Variants in FAM227A observed in about 807,000 individuals in gnomAD.
FAM227A encodes the protein protein FAM227A.
A neutral mutation model predicts 74.7 loss-of-function variants in FAM227A; 80 were observed. The observed-to-expected ratio is 1.07, with a 90% CI of 0.89 to 1.29. The LOEUF (loss-of-function observed/expected upper bound fraction) is 1.29. Among genes scored for constraint, FAM227A ranks in the 50% most tolerant of loss-of-function variants. The probability of loss-of-function intolerance (pLI) is 0.00; values close to 1 mark genes in which losing one functional copy is unlikely to be tolerated. For missense variants in FAM227A, 654 were observed against 683.4 expected (o/e 0.96, Z 0.48); for synonymous variants, 237 against 241.8 (o/e 0.98, Z 0.19).
chr22:38,587,749 A>C (rs1036783578), intron 16 of FAM227A, among the ~76,000 whole-genome samples: 1 of 152,226 alleles, frequency 6.6e-6, no homozygotes, highest in Non-Finnish European at 1.5e-5. Flanking sequence ...CATTATACTG[A>C]TACCAGAACT....
At position 38,582,440 on chromosome 22, in the gene FAM227A, T is replaced by A. The variant is rs1362782539; in HGVS notation, c.*3685A>T. The A allele has an allele frequency of 1.3e-6, 2 of 1,547,394 alleles. No homozygotes were observed. Among genetic ancestry groups the A allele is most frequent in the Non-Finnish European group, 8.7e-7 (1 of 1,144,656 alleles). ...AATTAGAATATCATACAATTACTCA[T>A]TTGCTTTATCCCACATTACAGCAAA... On this transcript the variant is annotated 3_prime_UTR_variant, in exon 17 of 17. Coordinates refer to ENST00000535113, the MANE Select transcript of FAM227A (RefSeq NM_001013647.2).
At chr22:38,649,522 C>T (rs973234666) in intron 2 of FAM227A, among the ~76,000 whole-genome samples, 4 of 150,026 alleles carry the variant, frequency 2.7e-5, no homozygotes, top group South Asian at 2.1e-4. Flanking sequence ...ACTGAGACTG[C>T]ACCACCGCAC....
chr22:38,634,854 A>G (rs1039833293), intron 6 of FAM227A, among the ~76,000 whole-genome samples: 2 of 152,178 alleles, frequency 1.3e-5, no homozygotes, highest in African/African-American at 4.8e-5. Context: ...CTGGGCAGTG[A>G]CTGGCCCAAA....
chr22:38,599,947 T>G, intron 13 of FAM227A, 26 bp from the exon 14 acceptor site: 5 of 1,521,188 alleles, frequency 3.3e-6, no homozygotes, highest in Non-Finnish European at 3.5e-6. Context: ...AAAGGAAAAA[T>G]AAAGGATATT....
rs149266520 is a variant in FAM227A at position 38,593,622 on chromosome 22, C to T, written c.1533-2082G>A. Among the ~76,000 whole-genome samples, 560 of 152,258 alleles carry T rather than the reference C, an allele frequency of 3.7e-3. 1 individual carries two copies. The highest frequency in any genetic ancestry group is 6.3e-3 in the Non-Finnish European group (427 of 68,004). On this transcript the variant is annotated intron_variant, in intron 15 of 16. Transcript: ENST00000535113. ...CCTATGTCTTCTCCCTTCTCCATCC[C>T]GACCCTCTCCTCCCTCACTTACATG...
intron 11 of FAM227A, among the ~76,000 whole-genome samples, chr22:38,618,777 C>T (rs370395579): frequency 6.0e-4 from 91 of 152,186 alleles, no homozygotes; most frequent in East Asian, 2.9e-3. Flanking sequence ...GATAAATATT[C>T]GGCTTTGCAG....
chr22:38,624,747 G>T (rs1286441447), intron 9 of FAM227A, among the ~76,000 whole-genome samples: 1 of 152,284 alleles, frequency 6.6e-6, no homozygotes, highest in East Asian at 1.9e-4. Flanking sequence ...CATTGTAGGG[G>T]GATGAGTGGG....
chr22:38,650,286 G>T, intron 1 of FAM227A, 24 bp from the exon 2 acceptor site: 1 of 1,021,298 alleles, frequency 9.8e-7, no homozygotes, highest in Non-Finnish European at 1.4e-6. Flanking sequence ...ACAGCATAGA[G>T]CCAGCTCAGA....
At chr22:38,647,377 T>C (rs1350240884) in intron 2 of FAM227A, among the ~76,000 whole-genome samples, 1 of 150,090 alleles carries the variant, frequency 6.7e-6, no homozygotes, top group African/African-American at 2.5e-5. Context: ...GGCAGGAGAA[T>C]CTCTTGAACC....
intron 8 of FAM227A, 93 bp from the exon 9 acceptor site, chr22:38,626,396 T>C (rs1214146663): frequency 5.0e-6 from 7 of 1,407,338 alleles, no homozygotes; most frequent in Non-Finnish European, 5.7e-6. Flanking sequence ...TTTTTATATA[T>C]AGTTTTTGTT....
At position 38,625,890 on chromosome 22, in the gene FAM227A, C is replaced by T. The variant is rs893701342; in HGVS notation, c.850+290G>A. 1.1e-4 allele frequency among the ~76,000 whole-genome samples: 16 copies of T among 150,734 alleles called. 1 individual carries two copies. The highest frequency in any genetic ancestry group is 3.9e-4 in the African/African-American group (16 of 40,794). On this transcript the variant is annotated intron_variant, in intron 9 of 16. Coordinates refer to ENST00000535113, the MANE Select transcript of FAM227A (RefSeq NM_001013647.2). Reference sequence around the variant, plus strand: ...CCTGGGAGGCGGAGGTTGCAGTGAGCCCAGATCGCACCATTGCACTCCAGC... The same window carrying T: ...CCTGGGAGGCGGAGGTTGCAGTGAGTCCAGATCGCACCATTGCACTCCAGC...
chr22:38,641,958 T>TGC (rs67394104), intron 3 of FAM227A, among the ~76,000 whole-genome samples: 1 of 142,348 alleles, frequency 7.0e-6, no homozygotes, highest in African/African-American at 2.7e-5. Context: ...GGTGTGTGTG[T>TGC]GTGTGTGTGT....
intron 16 of FAM227A, among the ~76,000 whole-genome samples, chr22:38,588,701 T>A (rs1206269927): frequency 7.2e-6 from 1 of 139,352 alleles, no homozygotes; most frequent in Non-Finnish European, 1.5e-5. Flanking sequence ...GACGGGTGGA[T>A]CACGAGGTCA....
Position 38,584,460 on chromosome 22 carries a change from G to C in FAM227A, c.*1665C>G, listed in dbSNP as rs2090765094. ...CATCACCTATGATTACTATTATTATGTTATACAATATTAGATACTCCAGGC... is the reference window on the plus strand; with the variant it reads ...CATCACCTATGATTACTATTATTATCTTATACAATATTAGATACTCCAGGC... On this transcript the variant is annotated 3_prime_UTR_variant, in exon 17 of 17. Coordinates refer to ENST00000535113, the MANE Select transcript of FAM227A (RefSeq NM_001013647.2). The C allele has an allele frequency of 6.6e-6, 1 of 152,058 alleles. No individual in the cohort carries two copies. Among genetic ancestry groups the C allele is most frequent in the Non-Finnish European group, 1.5e-5 (1 of 68,038 alleles). The allele number at this position is 152,058 out of a possible 1,614,324, so 9.4% of individuals were successfully genotyped here. A position where few individuals can be genotyped will look rare whatever the true frequency, so the allele number is the denominator to read the frequency against.
At chr22:38,614,130 T>C (rs967433931) in intron 11 of FAM227A, among the ~76,000 whole-genome samples, 3 of 152,134 alleles carry the variant, frequency 2.0e-5, no homozygotes, top group Non-Finnish European at 2.9e-5. Flanking sequence ...GTCTCTCAAC[T>C]ATATACTACT....
chr22:38,644,255 A>G (rs1215437513), intron 3 of FAM227A, among the ~76,000 whole-genome samples: 2 of 151,418 alleles, frequency 1.3e-5, no homozygotes, highest in Non-Finnish European at 2.9e-5. Context: ...ATATGGCATT[A>G]TGGGAAAGGT....
intron 1 of FAM227A, among the ~76,000 whole-genome samples, chr22:38,652,496 G>A (rs1332542251): frequency 4.6e-5 from 7 of 151,798 alleles, no homozygotes; most frequent in Admixed American, 2.0e-4. Context: ...ACAGAGGCAG[G>A]AGAATGGCGT....
At chr22:38,614,014 T>G (rs1419316013) in intron 11 of FAM227A, among the ~76,000 whole-genome samples, 1 of 152,164 alleles carries the variant, frequency 6.6e-6, no homozygotes, top group Non-Finnish European at 1.5e-5. Context: ...CACAGGTGCA[T>G]GGCACCACGC....
chr22:38,608,278 T>C (rs1021918531), intron 11 of FAM227A, among the ~76,000 whole-genome samples: 4 of 151,892 alleles, frequency 2.6e-5, no homozygotes, highest in Non-Finnish European at 5.9e-5. Flanking sequence ...CAGTGAGCCA[T>C]GACTGTGCTG....
Sources: allele counts gnomAD v4.1 joint callset (sites outside exome capture counted in the v4.1 genomes callset), GRCh38; gene constraint gnomAD v4.1.1; transcripts MANE v1.5; gene names NCBI Gene and HGNC (gene_info 2026-07-23, HGNC 2026-07-21).